MAST2: variants seen among roughly 807,000 people sequenced by gnomAD.
MAST2 encodes the protein microtubule associated serine/threonine kinase 2.
MAST2 carries 70 observed loss-of-function variants against 147.4 expected under a neutral mutation model. The observed-to-expected ratio is 0.47, with a 90% CI of 0.39 to 0.58. MAST2 has a LOEUF of 0.58. MAST2 is among the 20% of genes least tolerant of loss of function. The probability of loss-of-function intolerance (pLI) is 0.00; values close to 1 mark genes in which losing one functional copy is unlikely to be tolerated. For synonymous variants in MAST2, 869 were observed against 896.8 expected, an observed-to-expected ratio of 0.97 and a Z score of 0.55; for missense variants, 2,080 against 2,302.3, an observed-to-expected ratio of 0.90 and a Z score of 1.98.
chr1:45,921,037 C>T (rs1653380236), intron 4 of MAST2, among the ~76,000 whole-genome samples: 1 of 152,166 alleles, frequency 6.6e-6, no homozygotes. Context: ...ACTCTGTCAC[C>T]CAGGCTGGAG....
At chr1:46,019,480 C>G in intron 10 of MAST2, 116 bp from the exon 11 acceptor site, 1 of 745,820 alleles carries the variant, frequency 1.3e-6, no homozygotes, top group South Asian at 1.8e-5. Flanking sequence ...CCTTGCTTTG[C>G]GGAGCTCTCT....
intron 3 of MAST2, among the ~76,000 whole-genome samples, chr1:45,833,512 A>G (rs1645018815): frequency 6.6e-6 from 1 of 152,134 alleles, no homozygotes; most frequent in South Asian, 2.1e-4. Context: ...TTTAATGTAG[A>G]TATATGTTTT....
At chr1:45,823,250 T>C (rs1455528882) in intron 1 of MAST2, among the ~76,000 whole-genome samples, 1 of 152,008 alleles carries the variant, frequency 6.6e-6, no homozygotes, top group Non-Finnish European at 1.5e-5. Flanking sequence ...CCTCCTTTTT[T>C]GCCCCTTGTG....
At chr1:45,866,503 G>A (rs983227270) in intron 3 of MAST2, among the ~76,000 whole-genome samples, 7 of 152,088 alleles carry the variant, frequency 4.6e-5, no homozygotes, top group African/African-American at 1.7e-4. Flanking sequence ...TAGTTGCTAG[G>A]ATTCAGAAAG....
At chr1:45,826,216 A>G (rs1644787308) in intron 2 of MAST2, among the ~76,000 whole-genome samples, 1 of 152,148 alleles carries the variant, frequency 6.6e-6, no homozygotes, top group Non-Finnish European at 1.5e-5. Flanking sequence ...TGCCGGGTAC[A>G]TTGTTGAAAT....
At chr1:45,987,192 A>T (rs1333398736) in intron 5 of MAST2, among the ~76,000 whole-genome samples, 1 of 152,222 alleles carries the variant, frequency 6.6e-6, no homozygotes, top group Non-Finnish European at 1.5e-5. Context: ...TGATAACTGT[A>T]GAATCCATAG....
intron 5 of MAST2, among the ~76,000 whole-genome samples, chr1:45,979,470 C>G (rs570319747): frequency 6.6e-6 from 1 of 150,936 alleles, no homozygotes; most frequent in African/African-American, 2.4e-5. Flanking sequence ...CCAGTTATTG[C>G]CATCCTTAAG....
At chr1:45,892,401 A>G (rs897232443) in intron 4 of MAST2, among the ~76,000 whole-genome samples, 1 of 152,244 alleles carries the variant, frequency 6.6e-6, no homozygotes, top group Non-Finnish European at 1.5e-5. Flanking sequence ...ATATTAGAAA[A>G]TGGACATTAA....
At position 46,029,924 on chromosome 1, in the gene MAST2, A is replaced by G. The variant is rs749739837; in HGVS notation, c.2414A>G (p.Glu805Gly). 1 of 1,614,042 alleles carries G rather than the reference A, an allele frequency of 6.2e-7. No homozygotes were observed. The highest frequency in any genetic ancestry group is 8.5e-7 in the Non-Finnish European group (1 of 1,179,954). ...AAGGCTGAATTTATTCCTCAGTTGG[A>G]GTCAGAGGATGATACTAGCTATTTT... ...RQKAEFIPQL[E>G]SEDDTSYFDT... is the part of the protein sequence containing the mutation. Residue 805 changes from glutamate to glycine, a missense_variant, in exon 20 of 29, where the codon GAG becomes GGG. Around this residue, in one of 4 missense-constraint regions of MAST2, gnomAD observed 1,278 missense variants for 1,304.2 expected, o/e 0.98. Transcript: ENST00000361297.
chr1:45,892,254 C>T lies in MAST2; in HGVS notation c.500+9859C>T, dbSNP rs555703384. 4.6e-5 allele frequency among the ~76,000 whole-genome samples: 7 copies of T among 152,190 alleles called. No homozygotes were observed. The South Asian group carries it at 8.3e-4, about 18-fold the overall frequency. ...TGAACTGTAAGGAGACTCAGTAAGA[C>T]GTTCTTAGTTCTGGGTTAGGGGAGG... On this transcript the variant is annotated intron_variant, in intron 4 of 28. Transcript: ENST00000361297.
intron 4 of MAST2, among the ~76,000 whole-genome samples, chr1:45,904,900 C>A (rs954934369): frequency 1.3e-5 from 2 of 152,100 alleles, no homozygotes; most frequent in Non-Finnish European, 2.9e-5. Flanking sequence ...CTCAGCCTCC[C>A]GGGTTCAAGT....
At chr1:45,888,512 A>T (rs1224816245) in intron 4 of MAST2, among the ~76,000 whole-genome samples, 1 of 149,378 alleles carries the variant, frequency 6.7e-6, no homozygotes, top group African/African-American at 2.5e-5. Flanking sequence ...ACAGGCCCCC[A>T]CCACCACGCC....
intron 4 of MAST2, among the ~76,000 whole-genome samples, chr1:45,895,304 GT>G (rs890628280): frequency 9.4e-5 from 14 of 148,770 alleles, no homozygotes; most frequent in African/African-American, 2.2e-4. Flanking sequence ...TCATGTATAA[GT>G]TTTTTTTTTA....
At chr1:45,821,835 G>A (rs114296913) in intron 1 of MAST2, among the ~76,000 whole-genome samples, 84 of 146,528 alleles carry the variant, frequency 5.7e-4, no homozygotes, top group African/African-American at 1.9e-3. Context: ...TGTTCTTACT[G>A]CCCCCTTCTC....
intron 18 of MAST2, chr1:46,029,159 A>G: frequency 1.8e-6 from 1 of 567,030 alleles, no homozygotes; most frequent in Non-Finnish European, 3.1e-6. Flanking sequence ...CTGGTCTCTC[A>G]TATACACCTG....
At chr1:46,024,164 T>C in intron 15 of MAST2, 184 bp downstream of exon 15, 1 of 608,496 alleles carries the variant, frequency 1.6e-6, no homozygotes, top group South Asian at 1.9e-5. Context: ...CAAAGCTCCC[T>C]GCCTCTACCA....
rs370950575 is a variant in MAST2, at chr1:45,839,129, A to ATTTTTTTTTTTT, written c.468+9554_468+9565dup. On this transcript the variant is annotated intron_variant, in intron 3 of 28. Transcript: ENST00000361297. ...GCTGGGACTACAGGCACCATCACAA[A>ATTTTTTTTTTTT]TTTTTTTTTTTTTTTTTGAGACGGA... Among the ~76,000 whole-genome samples, 319 of 127,506 alleles carry ATTTTTTTTTTTT rather than the reference A, an allele frequency of 2.5e-3. 10 individuals carry two copies. The highest frequency in any genetic ancestry group is 4.2e-3 in the Middle Eastern group (1 of 236). 83.6% of individuals were successfully genotyped at this position (127,506 alleles called of 152,430 possible).
At chr1:45,893,207 A>T (rs1175693744) in intron 4 of MAST2, among the ~76,000 whole-genome samples, 3 of 151,822 alleles carry the variant, frequency 2.0e-5, no homozygotes, top group Admixed American at 2.0e-4. Context: ...TTATTTATTT[A>T]TTTATTTATT....
At chr1:45,946,630 C>G (rs933811701) in intron 4 of MAST2, among the ~76,000 whole-genome samples, 2 of 152,122 alleles carry the variant, frequency 1.3e-5, no homozygotes, top group African/African-American at 4.8e-5. Context: ...CTGCCTGGGA[C>G]TGAATTATGC....
Sources: gnomAD v4.1 joint callset for allele counts (sites outside exome capture counted in the v4.1 genomes callset) on GRCh38, gnomAD v4.1.1 for gene constraint, gnomAD v4.1.1 regional missense constraint, MANE v1.5 for transcripts, NCBI Gene and HGNC (gene_info 2026-07-23, HGNC 2026-07-21) for gene names.